RGS6: variants seen among roughly 807,000 people sequenced by gnomAD.
RGS6 encodes regulator of G-protein signaling 6.
RGS6 carries 30 observed loss-of-function variants against 78.5 expected under a neutral mutation model. That is an observed-to-expected ratio of 0.38 (90% confidence interval 0.29 to 0.52). RGS6 has a LOEUF of 0.52. RGS6 is among the 20% of genes least tolerant of loss of function. The pLI is 0.85. For synonymous variants in RGS6, 206 were observed against 206.0 expected (o/e 1.00, Z 0.00); for missense variants, 495 against 609.7 (o/e 0.81, Z 1.98).
intron 13 of RGS6, among the ~76,000 whole-genome samples, chr14:72,500,939 G>A (rs2096716113): frequency 6.6e-6 from 1 of 152,198 alleles, no homozygotes; most frequent in African/African-American, 2.4e-5. Flanking sequence ...GCCAGGAGGT[G>A]CGATATGTAC....
At chr14:72,580,914 A>T in the RGS6 span, among the ~76,000 whole-genome samples, 2 of 152,208 alleles carry the variant, frequency 1.3e-5, no homozygotes, top group African/African-American at 4.8e-5. Context: ...GGCATGAGCC[A>T]CCTTCTCATA....
intron 3 of RGS6, among the ~76,000 whole-genome samples, chr14:72,379,590 TA>T (rs376166377): frequency 2.0e-5 from 3 of 151,708 alleles, no homozygotes; most frequent in Admixed American, 1.3e-4. Flanking sequence ...TAGTTACATT[TA>T]AAAAAAACCT....
intron 3 of RGS6, among the ~76,000 whole-genome samples, chr14:72,391,217 A>G (rs1262284781): frequency 5.9e-5 from 9 of 151,536 alleles, no homozygotes. Flanking sequence ...GGAATGCTTC[A>G]TTTCCAAATT....
At chr14:71,943,296 A>G (rs1220095944) in intron 1 of RGS6, among the ~76,000 whole-genome samples, 1 of 152,194 alleles carries the variant, frequency 6.6e-6, no homozygotes, top group Non-Finnish European at 1.5e-5. Context: ...CCCTTTGAGT[A>G]TGTGTGACCA....
chr14:72,619,987 G>A, the RGS6 span: 3 of 1,533,334 alleles, frequency 2.0e-6, no homozygotes, highest in Non-Finnish European at 2.6e-6. Context: ...AGCTGGTCCT[G>A]GTGGAACACA....
the RGS6 span, among the ~76,000 whole-genome samples, chr14:71,890,367 A>AGAGAGC: frequency 9.9e-5 from 15 of 150,880 alleles, no homozygotes; most frequent in Admixed American, 1.3e-4. Flanking sequence ...ACAGAGAGAG[A>AGAGAGC]GAGAGAGAGA....
intron 3 of RGS6, among the ~76,000 whole-genome samples, chr14:72,431,685 C>CTAA (rs991455309): frequency 9.2e-5 from 14 of 152,060 alleles, no homozygotes; most frequent in Admixed American, 5.2e-4. Flanking sequence ...TATCTTTCTC[C>CTAA]TAACCAGATG....
intron 12 of RGS6, among the ~76,000 whole-genome samples, chr14:72,489,753 G>A (rs1250922427): frequency 2.1e-5 from 3 of 141,322 alleles, no homozygotes; most frequent in Non-Finnish European, 4.7e-5. Flanking sequence ...GACGAGGCGA[G>A]GCGAGGTGAA....
At chr14:71,984,953 A>AGG (rs2094630049) in intron 2 of RGS6, among the ~76,000 whole-genome samples, 1 of 152,166 alleles carries the variant, frequency 6.6e-6, no homozygotes, top group Non-Finnish European at 1.5e-5. Context: ...AAATATGACT[A>AGG]AAGTTAACAT....
chr14:72,236,986 G>T (rs367612956), intron 2 of RGS6, among the ~76,000 whole-genome samples: 1 of 152,136 alleles, frequency 6.6e-6, no homozygotes, highest in African/African-American at 2.4e-5. Flanking sequence ...CTACGTGCAC[G>T]CAGAGGGAAC....
the RGS6 span, among the ~76,000 whole-genome samples, chr14:72,587,246 G>A: frequency 6.6e-6 from 1 of 152,018 alleles, no homozygotes; most frequent in Admixed American, 6.5e-5. Flanking sequence ...TCCATTTCCA[G>A]CCCCCACATG....
chr14:72,004,892 T>C (rs1595949020), intron 2 of RGS6, among the ~76,000 whole-genome samples: 1 of 152,238 alleles, frequency 6.6e-6, no homozygotes, highest in South Asian at 2.1e-4. Context: ...GGTATGTCCA[T>C]TGGTGTAACA....
intron 2 of RGS6, among the ~76,000 whole-genome samples, chr14:72,176,828 C>T (rs548266329): frequency 3.9e-5 from 6 of 152,328 alleles, no homozygotes; most frequent in Admixed American, 3.9e-4. Context: ...CACACACGCT[C>T]GCCCATGTAA....
At chr14:72,521,453 C>T (rs904029016) in intron 15 of RGS6, among the ~76,000 whole-genome samples, 4 of 152,178 alleles carry the variant, frequency 2.6e-5, no homozygotes, top group Admixed American at 1.3e-4. Context: ...GTCAGCCTAA[C>T]GAAGGTTACA....
At chr14:72,574,387 C>T in the RGS6 span, among the ~76,000 whole-genome samples, 1 of 152,164 alleles carries the variant, frequency 6.6e-6, no homozygotes, top group Non-Finnish European at 1.5e-5. Flanking sequence ...TAGGAGTGAC[C>T]ACCCCAGCAA....
intron 1 of RGS6, among the ~76,000 whole-genome samples, chr14:71,944,038 T>G (rs1050954269): frequency 6.6e-6 from 1 of 152,248 alleles, no homozygotes; most frequent in Non-Finnish European, 1.5e-5. Context: ...CACATTATTG[T>G]GTGTCTATTC....
At chr14:72,227,246 CCTT>C (rs2048342306) in intron 2 of RGS6, among the ~76,000 whole-genome samples, 1 of 152,174 alleles carries the variant, frequency 6.6e-6, no homozygotes, top group Non-Finnish European at 1.5e-5. Flanking sequence ...CACCTTCATT[CCTT>C]CTTTTCATTT....
the RGS6 span, among the ~76,000 whole-genome samples, chr14:71,876,051 T>C: frequency 6.6e-6 from 1 of 152,134 alleles, no homozygotes; most frequent in South Asian, 2.1e-4. Context: ...TGCTGAGGAG[T>C]GCTTTACTTC....
At chr14:72,066,652 A>G (rs554214938) in intron 2 of RGS6, among the ~76,000 whole-genome samples, 69 of 152,206 alleles carry the variant, frequency 4.5e-4, no homozygotes, top group Middle Eastern at 3.4e-3. Flanking sequence ...GTCTTGAGAT[A>G]ACAAAAATAA....
Sources: allele counts gnomAD v4.1 joint callset (sites outside exome capture counted in the v4.1 genomes callset), GRCh38; gene constraint gnomAD v4.1.1; transcripts MANE v1.5; gene names NCBI Gene and HGNC (gene_info 2026-07-23, HGNC 2026-07-21).